TYR: variants seen among roughly 807,000 people sequenced by gnomAD.
TYR encodes the protein LB24-AB.
A neutral mutation model predicts 51.5 loss-of-function variants in TYR; 58 were observed. The observed-to-expected ratio is 1.13, with a 90% CI of 0.91 to 1.40. The LOEUF (loss-of-function observed/expected upper bound fraction) is 1.40. Among genes scored for constraint, TYR ranks in the 40% most tolerant of loss-of-function variants. TYR has a pLI of 0.00. For missense variants in TYR, 732 were observed against 647.4 expected, an observed-to-expected ratio of 1.13 and a Z score of -1.42; for synonymous variants, 263 against 235.2, an observed-to-expected ratio of 1.12 and a Z score of -1.08.
In TYR at chr11:89,191,324, T is replaced by C. The variant is rs1943442633; in HGVS notation, c.942T>C (p.Ser314=). ...AATCCAGAACCCCAAGGCTCCCCTC[T>C]TCAGCTGATGTAGAATTTTGCCTGA... is the stretch of plus-strand genomic sequence containing the variant. The part of the protein sequence containing the change: ...HDKSRTPRLP[S]SADVEFCLSL... The change falls in exon 2 of 5, where the codon TCT becomes TCC. Residue 314 remains serine, a synonymous_variant. Transcript: ENST00000263321. The C allele has an allele frequency of 1.9e-6, 3 of 1,613,782 alleles. No homozygotes were observed. The East Asian group carries it at 6.7e-5, about 36-fold the overall frequency.
At chr11:89,282,895 A>T (rs1565423003) in intron 3 of TYR, among the ~76,000 whole-genome samples, 1 of 151,818 alleles carries the variant, frequency 6.6e-6, no homozygotes, top group Non-Finnish European at 1.5e-5. Context: ...GGGGAAGAAG[A>T]GAAGAGAGGA....
At chr11:89,206,604 A>T (rs1943675344) in intron 2 of TYR, among the ~76,000 whole-genome samples, 1 of 152,130 alleles carries the variant, frequency 6.6e-6, no homozygotes, top group Non-Finnish European at 1.5e-5. Flanking sequence ...AGTGATAAAG[A>T]ACTTAACACC....
At chr11:89,211,140 A>T (rs1943748985) in intron 2 of TYR, among the ~76,000 whole-genome samples, 1 of 152,188 alleles carries the variant, frequency 6.6e-6, no homozygotes, top group Admixed American at 6.5e-5. Context: ...AATGGAGTAA[A>T]TGCCCCAATT....
chr11:89,182,680 T>C (rs1163553350), intron 1 of TYR, among the ~76,000 whole-genome samples: 1 of 152,168 alleles, frequency 6.6e-6, no homozygotes, highest in Non-Finnish European at 1.5e-5. Flanking sequence ...AAGCTTTAAA[T>C]TAGGGGCCAT....
intron 1 of TYR, among the ~76,000 whole-genome samples, chr11:89,183,690 C>G (rs1943331170): frequency 6.6e-6 from 1 of 151,898 alleles, no homozygotes; most frequent in Admixed American, 6.6e-5. Context: ...GTTTATATGG[C>G]TTGTTTAGGA....
intron 2 of TYR, among the ~76,000 whole-genome samples, chr11:89,222,426 G>T (rs756587837): frequency 1.3e-5 from 2 of 152,124 alleles, no homozygotes; most frequent in African/African-American, 2.4e-5. Context: ...GAGCAAAAGA[G>T]ATCAACTAGT....
At chr11:89,196,630 A>T (rs1565393998) in intron 2 of TYR, among the ~76,000 whole-genome samples, 1 of 152,228 alleles carries the variant, frequency 6.6e-6, no homozygotes, top group Non-Finnish European at 1.5e-5. Flanking sequence ...GACCAAGTCA[A>T]TCTTGGTTGA....
intron 3 of TYR, among the ~76,000 whole-genome samples, chr11:89,244,943 G>A (rs971371377): frequency 9.9e-5 from 15 of 152,176 alleles, no homozygotes; most frequent in African/African-American, 3.6e-4. Flanking sequence ...GGCTCAATAG[G>A]ACAGGATATT....
At chr11:89,191,806 G>C (rs1188615021) in intron 2 of TYR, among the ~76,000 whole-genome samples, 3 of 152,144 alleles carry the variant, frequency 2.0e-5, no homozygotes, top group Admixed American at 6.6e-5. Context: ...AGCAGCTTTA[G>C]TGAAATATAT....
At chr11:89,285,591 T>C (rs188354773) in intron 4 of TYR, among the ~76,000 whole-genome samples, 480 of 151,954 alleles carry the variant, frequency 3.2e-3, no homozygotes, top group African/African-American at 0.01. Flanking sequence ...TGTCAGTATC[T>C]TCTTGACAAA....
intron 3 of TYR, among the ~76,000 whole-genome samples, chr11:89,263,264 C>T (rs1944484257): frequency 6.6e-6 from 1 of 151,814 alleles, no homozygotes; most frequent in Non-Finnish European, 1.5e-5. Flanking sequence ...ATCCCATGGT[C>T]ATCTCAATAG....
At chr11:89,273,064 C>T (rs185610786) in intron 3 of TYR, among the ~76,000 whole-genome samples, 205 of 152,004 alleles carry the variant, frequency 1.3e-3, no homozygotes, top group African/African-American at 4.8e-3. Context: ...TTTATGTGTT[C>T]ACTGGAGTAG....
chr11:89,214,467 A>C (rs183014934), intron 2 of TYR, among the ~76,000 whole-genome samples: 83 of 152,258 alleles, frequency 5.5e-4, no homozygotes, highest in African/African-American at 1.7e-3. Context: ...TGTGGAAGAG[A>C]GTGTGACGAT....
intron 3 of TYR, among the ~76,000 whole-genome samples, chr11:89,253,536 C>T (rs1263832774): frequency 1.3e-5 from 2 of 151,706 alleles, no homozygotes; most frequent in African/African-American, 2.4e-5. Context: ...TCTTTCACCT[C>T]GTTGGTTAGG....
intron 3 of TYR, among the ~76,000 whole-genome samples, chr11:89,236,589 T>G (rs1383712818): frequency 6.6e-6 from 1 of 152,228 alleles, no homozygotes; most frequent in Non-Finnish European, 1.5e-5. Flanking sequence ...GCTAGAGAAC[T>G]GTGGGTTACC....
chr11:89,237,961 G>C (rs964700105), intron 3 of TYR, among the ~76,000 whole-genome samples: 1 of 151,964 alleles, frequency 6.6e-6, no homozygotes, highest in East Asian at 1.9e-4. Flanking sequence ...TCAGCCTCCT[G>C]AGTTGCTGGG....
chr11:89,216,863 T>A (rs906975652), intron 2 of TYR, among the ~76,000 whole-genome samples: 2 of 152,126 alleles, frequency 1.3e-5, no homozygotes, highest in Non-Finnish European at 2.9e-5. Context: ...GTATGACTAT[T>A]TTTCTTTAAA....
chr11:89,237,729 A>G (rs1367772340), intron 3 of TYR, among the ~76,000 whole-genome samples: 1 of 152,170 alleles, frequency 6.6e-6, no homozygotes, highest in Admixed American at 6.6e-5. Flanking sequence ...GAAAAACATC[A>G]TTAGAATTTT....
intron 2 of TYR, among the ~76,000 whole-genome samples, chr11:89,195,156 GA>G (rs1446597109): frequency 6.6e-6 from 1 of 152,180 alleles, no homozygotes; most frequent in African/African-American, 2.4e-5. Context: ...AAATGCATAT[GA>G]AATGGAATTG....
Sources: allele counts gnomAD v4.1 joint callset (sites outside exome capture counted in the v4.1 genomes callset), GRCh38; gene constraint gnomAD v4.1.1; transcripts MANE v1.5; gene names NCBI Gene and HGNC (gene_info 2026-07-23, HGNC 2026-07-21).